PRKCB: variants seen among roughly 807,000 people sequenced by gnomAD.
PRKCB encodes the protein protein kinase C beta.
Under a neutral mutation model 81.5 loss-of-function variants are expected in PRKCB, and 13 were observed. The observed-to-expected ratio is 0.16, with a 90% CI of 0.10 to 0.25. PRKCB has a LOEUF of 0.25. Ranked by LOEUF, PRKCB falls within the 10% of genes least tolerant of loss-of-function variation. The pLI is 1.00. For synonymous variants in PRKCB, 335 were observed against 321.4 expected (o/e 1.04, Z -0.45); for missense variants, 509 against 875.7 (o/e 0.58, Z 5.29).
At chr16:24,053,116 G>T (rs1965862248) in intron 5 of PRKCB, among the ~76,000 whole-genome samples, 1 of 152,186 alleles carries the variant, frequency 6.6e-6, no homozygotes, top group African/African-American at 2.4e-5. Context: ...TCTCTGATGT[G>T]ATCCCTCTAG....
At chr16:24,166,065 T>G (rs1257279901) in intron 10 of PRKCB, among the ~76,000 whole-genome samples, 1 of 151,926 alleles carries the variant, frequency 6.6e-6, no homozygotes, top group East Asian at 1.9e-4. Context: ...TTTTGTATTT[T>G]TAGTAGAGAT....
intron 3 of PRKCB, among the ~76,000 whole-genome samples, chr16:23,990,739 G>A (rs189837873): frequency 6.6e-6 from 1 of 152,138 alleles, no homozygotes; most frequent in African/African-American, 2.4e-5. Context: ...GTAAAGATAG[G>A]TTTTCCCTAT....
intron 2 of PRKCB, among the ~76,000 whole-genome samples, chr16:23,882,008 T>TTCTTTCTTTCTTTCTTTCTTTC (rs1555481663): frequency 3.1e-5 from 3 of 97,912 alleles, no homozygotes; most frequent in Admixed American, 1.2e-4. Flanking sequence ...CTTTCTTTCT[T>TTCTTTCTTTCTTTCTTTCTTTC]TCTTTCTTTC....
rs543697920 is a variant in PRKCB, at chr16:24,016,459, A to G, written c.289-15677A>G. Among the ~76,000 whole-genome samples the G allele has an allele frequency of 2.0e-5, 3 of 152,228 alleles. No homozygotes were observed. In the South Asian group the frequency reaches 6.2e-4, roughly 32 times the overall value. The stretch of plus-strand genomic sequence containing the variant: ...TCCAAGCAGAAAAGACTCGCTTAAC[A>G]TGGATGGCAAATGTTGTCTACCAAG... On this transcript the variant is annotated intron_variant, in intron 3 of 16. Coordinates refer to ENST00000643927, the MANE Select transcript of PRKCB (RefSeq NM_002738.7).
At chr16:24,091,525 T>C (rs1966377390) in intron 5 of PRKCB, among the ~76,000 whole-genome samples, 1 of 152,190 alleles carries the variant, frequency 6.6e-6, no homozygotes, top group Non-Finnish European at 1.5e-5. Flanking sequence ...TACTTCCTGT[T>C]TCTCCAAGCT....
chr16:23,955,594 A>G (rs1280148096), intron 2 of PRKCB, among the ~76,000 whole-genome samples: 1 of 152,180 alleles, frequency 6.6e-6, no homozygotes, highest in Non-Finnish European at 1.5e-5. Context: ...AGGGTTGTCC[A>G]TAATAACAGA....
intron 3 of PRKCB, among the ~76,000 whole-genome samples, chr16:24,003,102 G>T (rs1192774542): frequency 6.6e-6 from 1 of 152,152 alleles, no homozygotes; most frequent in Non-Finnish European, 1.5e-5. Flanking sequence ...GGTTCCAGGA[G>T]CTACTCCCTT....
intron 3 of PRKCB, among the ~76,000 whole-genome samples, chr16:24,008,396 T>A (rs1335298974): frequency 6.6e-6 from 1 of 152,216 alleles, no homozygotes; most frequent in Non-Finnish European, 1.5e-5. Context: ...CGTGTGGACA[T>A]CTCTCCCAAA....
At chr16:23,980,790 C>T (rs1298011482) in intron 2 of PRKCB, among the ~76,000 whole-genome samples, 1 of 149,356 alleles carries the variant, frequency 6.7e-6, no homozygotes, top group Admixed American at 6.6e-5. Flanking sequence ...GGAATCGACT[C>T]CAAACAGAAT....
chr16:23,888,880 A>G (rs1417644481), intron 2 of PRKCB, among the ~76,000 whole-genome samples: 2 of 152,196 alleles, frequency 1.3e-5, no homozygotes, highest in Admixed American at 1.3e-4. Flanking sequence ...TTCAGACCCT[A>G]TCACAGCTTT....
chr16:24,181,771 CA>C lies in PRKCB; in HGVS notation c.1533+863del, dbSNP rs71154286. The stretch of plus-strand genomic sequence containing the variant: ...TGGGTGACACAGTAAGACCCTGTCT[CA>C]AAAAAAAAAAAAAAAAAAAGAAGAA... On this transcript the variant is annotated intron_variant, in intron 13 of 16. Coordinates refer to ENST00000643927, the MANE Select transcript of PRKCB (RefSeq NM_002738.7). 5.6e-3 allele frequency among the ~76,000 whole-genome samples: 137 copies of C among 24,572 alleles called. 6 individuals are homozygous for C. Among genetic ancestry groups the C allele is most frequent in the African/African-American group, 0.022 (116 of 5,222 alleles). 16.1% of individuals were successfully genotyped at this position (24,572 alleles called of 152,430 possible).
chr16:23,957,520 C>T (rs1964365985), intron 2 of PRKCB, among the ~76,000 whole-genome samples: 1 of 152,190 alleles, frequency 6.6e-6, no homozygotes, highest in Non-Finnish European at 1.5e-5. Context: ...GGAGCTTCAG[C>T]CTCAGCCACA....
intron 16 of PRKCB, among the ~76,000 whole-genome samples, chr16:24,212,399 CT>C (rs1299606290): frequency 1.3e-5 from 1 of 76,164 alleles, no homozygotes; most frequent in Non-Finnish European, 2.4e-5. Flanking sequence ...ATATTCTGTG[CT>C]TTAAAAAAAA....
chr16:24,028,585 C>T (rs1443390742), intron 3 of PRKCB, among the ~76,000 whole-genome samples: 1 of 152,206 alleles, frequency 6.6e-6, no homozygotes, highest in Non-Finnish European at 1.5e-5. Flanking sequence ...TGAACCTACA[C>T]TTGTGTTGAA....
In PRKCB at chr16:24,113,550, C is replaced by G. The variant is rs191670668; in HGVS notation, c.918+481C>G. On this transcript the variant is annotated intron_variant, in intron 8 of 16. Coordinates refer to ENST00000643927, the MANE Select transcript of PRKCB (RefSeq NM_002738.7). Reference sequence around the variant, plus strand: ...CCTCCCTCCCCCCTTTCCTTTCTTTCTTCCTCCTTCCTCTCTCTTTTCATT... The same window carrying G: ...CCTCCCTCCCCCCTTTCCTTTCTTTGTTCCTCCTTCCTCTCTCTTTTCATT... Among the ~76,000 whole-genome samples, 507 of 138,236 alleles carry G rather than the reference C, an allele frequency of 3.7e-3. 2 individuals carry two copies. The highest frequency in any genetic ancestry group is 0.013 in the African/African-American group (496 of 37,202). The allele number at this position is 138,236 out of a possible 152,430, so 90.7% of individuals were successfully genotyped here. A position where few individuals can be genotyped will look rare whatever the true frequency, so the allele number is the denominator to read the frequency against.
intron 2 of PRKCB, among the ~76,000 whole-genome samples, chr16:23,915,847 C>T (rs1424241776): frequency 6.6e-6 from 1 of 151,856 alleles, no homozygotes; most frequent in Non-Finnish European, 1.5e-5. Flanking sequence ...AATTCCACTA[C>T]TCAGAAAAAA....
intron 12 of PRKCB, among the ~76,000 whole-genome samples, chr16:24,175,137 G>T (rs886631876): frequency 2.6e-5 from 4 of 152,016 alleles, no homozygotes; most frequent in Middle Eastern, 3.2e-3. Flanking sequence ...CAAGGCAGAC[G>T]ATTGCACCCG....
In PRKCB at chr16:23,889,124, AT is replaced by A. The variant is rs1304940664; in HGVS notation, c.205+51719del. Among the ~76,000 whole-genome samples, 4 of 25,780 alleles carry A rather than the reference AT, an allele frequency of 1.6e-4. No individual in the cohort carries two copies. In the South Asian group the frequency reaches 3.6e-3, roughly 23 times the overall value. The allele number at this position is 25,780 out of a possible 152,430, so 16.9% of individuals were successfully genotyped here. ...TACACAGCTGTTCACTCGTCCATCC[AT>A]CCATCCATCCATCCATCCATCCATC... On this transcript the variant is annotated intron_variant, in intron 2 of 16. Transcript: ENST00000643927.
chr16:24,053,308 T>G (rs185217076), intron 5 of PRKCB, among the ~76,000 whole-genome samples: 362 of 152,028 alleles, frequency 2.4e-3, no homozygotes, highest in African/African-American at 5.2e-3. Context: ...CTTGACAAAC[T>G]TTTTCTGTGA....
Sources: gnomAD v4.1 joint callset for allele counts (sites outside exome capture counted in the v4.1 genomes callset) on GRCh38, gnomAD v4.1.1 for gene constraint, MANE v1.5 for transcripts, NCBI Gene and HGNC (gene_info 2026-07-23, HGNC 2026-07-21) for gene names.